The following GALNTL6 variants were observed in gnomAD, a reference collection of about 807,000 sequenced individuals.
The protein encoded by GALNTL6 is polypeptide N-acetylgalactosaminyltransferase like 6.
A neutral mutation model predicts 73.7 loss-of-function variants in GALNTL6; 46 were observed. The ratio of observed to expected loss-of-function variants is 0.62; its 90% CI spans 0.49 to 0.80. The LOEUF (loss-of-function observed/expected upper bound fraction) is 0.80. Ranked by LOEUF, GALNTL6 falls within the 30% of genes least tolerant of loss-of-function variation. The pLI is 0.00. For missense variants in GALNTL6, 604 were observed against 755.0 expected, an observed-to-expected ratio of 0.80 and a Z score of 2.34; for synonymous variants, 259 against 263.7, an observed-to-expected ratio of 0.98 and a Z score of 0.17.
intron 5 of GALNTL6, among the ~76,000 whole-genome samples, chr4:172,393,984 A>G (rs1743757647): frequency 6.6e-6 from 1 of 152,204 alleles, no homozygotes; most frequent in Non-Finnish European, 1.5e-5. Context: ...AAGAAACCAT[A>G]CATAAAAGTT....
chr4:171,853,006 C>G (rs192621424), intron 2 of GALNTL6, among the ~76,000 whole-genome samples: 9,861 of 136,216 alleles, frequency 0.072, 493 homozygotes, highest in South Asian at 0.28. Context: ...CCACCACGCC[C>G]GGCTAATTTT....
chr4:172,230,684 C>T (rs1737032352), intron 3 of GALNTL6, among the ~76,000 whole-genome samples: 1 of 152,070 alleles, frequency 6.6e-6, no homozygotes, highest in Non-Finnish European at 1.5e-5. Flanking sequence ...CAGTAGAAAT[C>T]CAGTGAAAGT....
intron 5 of GALNTL6, among the ~76,000 whole-genome samples, chr4:172,635,525 T>A (rs1177346795): frequency 6.6e-6 from 1 of 152,154 alleles, no homozygotes; most frequent in African/African-American, 2.4e-5. Flanking sequence ...CCACACCCTT[T>A]CAAATTTTGC....
intron 7 of GALNTL6, among the ~76,000 whole-genome samples, chr4:172,831,740 G>A (rs553765081): frequency 6.6e-6 from 1 of 152,314 alleles, no homozygotes; most frequent in East Asian, 1.9e-4. Flanking sequence ...TTTGGCGTCA[G>A]AGCCTCTAGC....
intron 5 of GALNTL6, among the ~76,000 whole-genome samples, chr4:172,608,173 G>A (rs1309277183): frequency 6.6e-6 from 1 of 152,020 alleles, no homozygotes; most frequent in African/African-American, 2.4e-5. Context: ...TGTTGCAATT[G>A]CTTTTGGCAT....
intron 5 of GALNTL6, among the ~76,000 whole-genome samples, chr4:172,660,619 A>C (rs1731314760): frequency 6.6e-6 from 1 of 152,216 alleles, no homozygotes; most frequent in South Asian, 2.1e-4. Flanking sequence ...TGTATTAAAA[A>C]CTAAGCATCT....
chr4:172,927,042 C>T (rs1480717208), intron 8 of GALNTL6, among the ~76,000 whole-genome samples: 1 of 152,188 alleles, frequency 6.6e-6, no homozygotes, highest in Admixed American at 6.5e-5. Flanking sequence ...CAATGCTTCA[C>T]CCAGTTTTCA....
intron 2 of GALNTL6, among the ~76,000 whole-genome samples, chr4:172,095,952 T>C (rs1348095931): frequency 6.6e-6 from 1 of 151,990 alleles, no homozygotes; most frequent in Non-Finnish European, 1.5e-5. Flanking sequence ...TATAGATAAT[T>C]TATTTTTTCC....
intron 4 of GALNTL6, among the ~76,000 whole-genome samples, chr4:172,333,457 G>A (rs192010813): frequency 6.6e-6 from 1 of 152,162 alleles, no homozygotes; most frequent in Middle Eastern, 3.4e-3. Flanking sequence ...GTACATTGAT[G>A]TCCTTTGCCC....
intron 3 of GALNTL6, among the ~76,000 whole-genome samples, chr4:172,243,016 C>A (rs1174545638): frequency 1.3e-5 from 2 of 152,294 alleles, no homozygotes; most frequent in African/African-American, 4.8e-5. Flanking sequence ...TAATCATATT[C>A]AAAAATAAAT....
intron 3 of GALNTL6, among the ~76,000 whole-genome samples, chr4:172,276,669 A>T (rs1055247091): frequency 6.6e-6 from 1 of 152,060 alleles, no homozygotes; most frequent in Non-Finnish European, 1.5e-5. Context: ...TTTCAATCAC[A>T]CAACCAACTA....
chr4:171,875,973 A>G (rs1736265164), intron 2 of GALNTL6, among the ~76,000 whole-genome samples: 1 of 152,084 alleles, frequency 6.6e-6, no homozygotes. Context: ...GCAAGTCAAG[A>G]GTAGGAAAAT....
At position 173,040,239 on chromosome 4, in the gene GALNTL6, T is replaced by G. The variant is rs1191714169; in HGVS notation, c.*139T>G. The G allele has an allele frequency of 8.5e-6, 5 of 590,054 alleles. No individual in the cohort carries two copies. Among genetic ancestry groups the G allele is most frequent in the Non-Finnish European group, 1.4e-5 (5 of 349,756 alleles). 36.6% of individuals were successfully genotyped at this position (590,054 alleles called of 1,614,324 possible). On this transcript the variant is annotated 3_prime_UTR_variant, in exon 13 of 13. Coordinates refer to ENST00000506823, the MANE Select transcript of GALNTL6 (RefSeq NM_001034845.3). ...AAAATTTGCAAATGCCATGTCAAAG[T>G]AGGTTGTTTTGAAGAACTTCCTGCA...
chr4:172,869,210 T>C (rs1744803817), intron 7 of GALNTL6, among the ~76,000 whole-genome samples: 1 of 152,208 alleles, frequency 6.6e-6, no homozygotes, highest in African/African-American at 2.4e-5. Flanking sequence ...TTCTGGCCAC[T>C]AGTAAGTTTA....
chr4:172,456,282 A>G (rs1485081272), intron 5 of GALNTL6, among the ~76,000 whole-genome samples: 1 of 152,118 alleles, frequency 6.6e-6, no homozygotes, highest in East Asian at 1.9e-4. Context: ...CAAAAACCAG[A>G]ACACCTCTTC....
At chr4:172,005,880 C>A (rs1740826347) in intron 2 of GALNTL6, among the ~76,000 whole-genome samples, 1 of 152,148 alleles carries the variant, frequency 6.6e-6, no homozygotes, top group Admixed American at 6.6e-5. Context: ...GCTTAAATAA[C>A]TATTGAAGTG....
chr4:172,772,985 T>C (rs1465017591), intron 5 of GALNTL6, among the ~76,000 whole-genome samples: 2 of 152,110 alleles, frequency 1.3e-5, no homozygotes, highest in Admixed American at 1.3e-4. Flanking sequence ...CAATGCTGGG[T>C]GCCAGCAGAA....
chr4:171,873,004 A>T (rs915461144), intron 2 of GALNTL6, among the ~76,000 whole-genome samples: 3 of 152,180 alleles, frequency 2.0e-5, no homozygotes, highest in Non-Finnish European at 4.4e-5. Flanking sequence ...AAATTTACAC[A>T]TAAATCGTGA....
intron 2 of GALNTL6, among the ~76,000 whole-genome samples, chr4:172,162,621 CAA>C (rs1271567532): frequency 6.6e-6 from 1 of 151,846 alleles, no homozygotes; most frequent in Admixed American, 6.6e-5. Context: ...AAGTTTCAAA[CAA>C]GATCACAAGG....
Sources: gnomAD v4.1 joint callset for allele counts (sites outside exome capture counted in the v4.1 genomes callset) on GRCh38, gnomAD v4.1.1 for gene constraint, MANE v1.5 for transcripts, NCBI Gene and HGNC (gene_info 2026-07-23, HGNC 2026-07-21) for gene names.